Variants in CHSY3 observed in about 807,000 individuals in gnomAD.
CHSY3 encodes the protein chondroitin sulfate synthase 3, also known as N-acetylgalactosaminyl-proteoglycan 3-beta-glucuronosyltransferase 3.
In CHSY3, 35 loss-of-function variants were observed where a neutral mutation model predicts 67.2. That is an observed-to-expected ratio of 0.52 (90% CI 0.40 to 0.69). The LOEUF (loss-of-function observed/expected upper bound fraction) is 0.69. Among genes scored for constraint, CHSY3 ranks in the 30% least tolerant of loss-of-function variants. The pLI, the probability that CHSY3 is intolerant of heterozygous loss-of-function variation, is 0.00. For synonymous variants in CHSY3, 474 were observed against 434.7 expected, an observed-to-expected ratio of 1.09 and a Z score of -1.12; for missense variants, 1,069 against 1,138.5, an observed-to-expected ratio of 0.94 and a Z score of 0.88.
intron 2 of CHSY3, among the ~76,000 whole-genome samples, chr5:130,085,117 C>A (rs752177855): frequency 6.6e-6 from 1 of 151,912 alleles, no homozygotes; most frequent in African/African-American, 2.4e-5. Flanking sequence ...ATTGGAATGC[C>A]CCTGGCCAAG....
chr5:130,185,810 T>C lies in CHSY3; in HGVS notation c.*19T>C. On this transcript the variant is annotated 3_prime_UTR_variant, in exon 3 of 3. Coordinates refer to ENST00000305031, the MANE Select transcript of CHSY3 (RefSeq NM_175856.5). ...CTCCTGACAGTCCAGGCAACACATTTTGCCTTTTTTAAGGGGAGTTTACCT... is the reference window on the plus strand; with the variant it reads ...CTCCTGACAGTCCAGGCAACACATTCTGCCTTTTTTAAGGGGAGTTTACCT... The C allele has an allele frequency of 1.3e-6, 2 of 1,511,060 alleles. No individual in the cohort carries two copies. The highest frequency in any genetic ancestry group is 1.8e-6 in the Non-Finnish European group (2 of 1,129,580). The allele number at this position is 1,511,060 out of a possible 1,614,324, so 93.6% of individuals were successfully genotyped here. A position where few individuals can be genotyped will look rare whatever the true frequency, so the allele number is the denominator to read the frequency against.
intron 2 of CHSY3, among the ~76,000 whole-genome samples, chr5:130,156,272 T>G (rs1580786979): frequency 6.6e-6 from 1 of 151,834 alleles, no homozygotes; most frequent in Admixed American, 6.6e-5. Flanking sequence ...GAGAGAGGAG[T>G]ATGGATTTTG....
intron 2 of CHSY3, among the ~76,000 whole-genome samples, chr5:129,973,488 G>GTT (rs1392185463): frequency 4.6e-5 from 7 of 152,032 alleles, no homozygotes; most frequent in Non-Finnish European, 8.8e-5. Flanking sequence ...TTTTTGAATT[G>GTT]TTGCCTTTTT....
chr5:130,143,287 G>A (rs1012398247), intron 2 of CHSY3, among the ~76,000 whole-genome samples: 1 of 152,044 alleles, frequency 6.6e-6, no homozygotes, highest in Admixed American at 6.6e-5. Context: ...TCCAGAGTAG[G>A]TTGTGATTAC....
chr5:130,109,869 C>T (rs1767536470), intron 2 of CHSY3, among the ~76,000 whole-genome samples: 1 of 151,490 alleles, frequency 6.6e-6, no homozygotes, highest in South Asian at 2.1e-4. Flanking sequence ...TTGTTTAAAC[C>T]AAAAGTGACT....
At chr5:130,003,369 T>C (rs545549870) in intron 2 of CHSY3, among the ~76,000 whole-genome samples, 7 of 152,202 alleles carry the variant, frequency 4.6e-5, no homozygotes, top group Non-Finnish European at 8.8e-5. Flanking sequence ...TTGGGGTTTA[T>C]TATGGTCAGA....
At chr5:130,053,785 A>T (rs1765441769) in intron 2 of CHSY3, among the ~76,000 whole-genome samples, 1 of 152,182 alleles carries the variant, frequency 6.6e-6, no homozygotes, top group Non-Finnish European at 1.5e-5. Context: ...TAATGATAGA[A>T]ATCATGAAAA....
At chr5:129,994,395 G>A (rs1763465970) in intron 2 of CHSY3, among the ~76,000 whole-genome samples, 1 of 152,038 alleles carries the variant, frequency 6.6e-6, no homozygotes, top group African/African-American at 2.4e-5. Flanking sequence ...ATATTTCTTG[G>A]AGGCTTTGTT....
At chr5:130,136,141 G>A (rs1220739064) in intron 2 of CHSY3, among the ~76,000 whole-genome samples, 1 of 152,174 alleles carries the variant, frequency 6.6e-6, no homozygotes, top group African/African-American at 2.4e-5. Flanking sequence ...TAGCTAAATA[G>A]GAGTCAGAGT....
intron 2 of CHSY3, among the ~76,000 whole-genome samples, chr5:130,066,044 G>T (rs1039236383): frequency 5.3e-5 from 8 of 152,082 alleles, no homozygotes; most frequent in Admixed American, 1.3e-4. Context: ...ACCTTCTTCT[G>T]AGACTACATC....
At chr5:129,997,250 A>AT (rs1763568169) in intron 2 of CHSY3, among the ~76,000 whole-genome samples, 1 of 152,194 alleles carries the variant, frequency 6.6e-6, no homozygotes, top group South Asian at 2.1e-4. Context: ...TATATGCCAT[A>AT]TACATGACCA....
At chr5:130,095,860 A>C (rs1248134169) in intron 2 of CHSY3, among the ~76,000 whole-genome samples, 2 of 152,258 alleles carry the variant, frequency 1.3e-5, no homozygotes, top group Non-Finnish European at 2.9e-5. Flanking sequence ...CATAACCACC[A>C]ATACGTATAG....
At chr5:130,094,002 A>T (rs759747538) in intron 2 of CHSY3, among the ~76,000 whole-genome samples, 94 of 152,240 alleles carry the variant, frequency 6.2e-4, no homozygotes, top group Admixed American at 1.2e-3. Context: ...ATAACAAAAT[A>T]TCATAATGCA....
chr5:129,932,934 A>G (rs977844131), intron 2 of CHSY3, among the ~76,000 whole-genome samples: 1 of 152,134 alleles, frequency 6.6e-6, no homozygotes, highest in Non-Finnish European at 1.5e-5. Context: ...ATAGGTTTTT[A>G]TATTAACTCC....
intron 2 of CHSY3, among the ~76,000 whole-genome samples, chr5:130,063,087 C>A (rs1279574349): frequency 6.6e-6 from 1 of 151,976 alleles, no homozygotes; most frequent in Non-Finnish European, 1.5e-5. Flanking sequence ...ATGGCTATGT[C>A]TATTTTTTGA....
chr5:130,134,583 T>C (rs528640387), intron 2 of CHSY3, among the ~76,000 whole-genome samples: 129 of 152,320 alleles, frequency 8.5e-4, no homozygotes, highest in Middle Eastern at 3.4e-3. Context: ...TTGGTTTAAA[T>C]ATGCTATTCC....
intron 2 of CHSY3, among the ~76,000 whole-genome samples, chr5:130,146,824 A>T (rs1769088945): frequency 6.6e-6 from 1 of 151,554 alleles, no homozygotes; most frequent in African/African-American, 2.4e-5. Flanking sequence ...ACAGAGTTTC[A>T]TTCTTTTTGC....
intron 2 of CHSY3, chr5:130,001,315 A>C (rs1763722229): frequency 1.1e-5 from 4 of 355,022 alleles, no homozygotes; most frequent in Non-Finnish European, 1.2e-5. Context: ...TTCATGATGC[A>C]AAAAGTTTTA....
chr5:130,055,149 C>T (rs1172358927), intron 2 of CHSY3, among the ~76,000 whole-genome samples: 4 of 152,084 alleles, frequency 2.6e-5, no homozygotes, highest in Non-Finnish European at 5.9e-5. Context: ...AGCATGTACT[C>T]TGATCCCCAT....
Sources: gnomAD v4.1 joint callset for allele counts (sites outside exome capture counted in the v4.1 genomes callset) on GRCh38, gnomAD v4.1.1 for gene constraint, MANE v1.5 for transcripts, NCBI Gene and HGNC (gene_info 2026-07-23, HGNC 2026-07-21) for gene names.